SDHC: variants seen among roughly 807,000 people sequenced by gnomAD.
SDHC encodes the protein succinate dehydrogenase complex subunit C.
In SDHC, 11 loss-of-function variants were observed where a neutral mutation model predicts 22.6. That is an observed-to-expected ratio of 0.49 (90% CI 0.31 to 0.81). SDHC has a LOEUF of 0.81. Ranked by LOEUF, SDHC falls within the 30% of genes least tolerant of loss-of-function variation. The probability of loss-of-function intolerance (pLI) is 0.05; values close to 1 mark genes in which losing one functional copy is unlikely to be tolerated. For synonymous variants in SDHC, 80 were observed against 77.8 expected (o/e 1.03, Z -0.15); for missense variants, 160 against 212.0 (o/e 0.75, Z 1.52).
chr1:161,314,736 C>CT (rs966258321), intron 1 of SDHC: 28 of 439,264 alleles, frequency 6.4e-5, no homozygotes, highest in Non-Finnish European at 1.1e-4. Context: ...GAGCCGAGCT[C>CT]TGAGAAAATA....
rs185876210 is a variant in SDHC at position 161,340,979 on chromosome 1, G to T, written c.241+324G>T. Among the ~76,000 whole-genome samples the T allele has an allele frequency of 1.8e-4, 28 of 152,280 alleles. No homozygotes were observed. In the East Asian group the frequency reaches 5.4e-3, roughly 29 times the overall value. On this transcript the variant is annotated intron_variant, in intron 4 of 5. Transcript: ENST00000367975. ...CTGCCTCAGCCTCCTGAGTAGCTGG[G>T]ATTACAGGCATGTGCCACCACGCCT...
rs1571851728 is a variant in SDHC at position 161,328,496 on chromosome 1, A to G, written c.178A>G (p.Ser60Gly). 1 of 1,587,848 alleles carries G rather than the reference A, an allele frequency of 6.3e-7. No individual in the cohort carries two copies. Among genetic ancestry groups the G allele is most frequent in the Non-Finnish European group, 8.7e-7 (1 of 1,156,024 alleles). ...RPLSPHITIY[S>G]WSLPMAMSIC... The stretch of plus-strand genomic sequence containing the variant: ...TCTGTCTCCCCACATTACTATCTAC[A>G]GGTAAGGAAGGATTCTGGAGCCAGA... The change falls in exon 3 of 6, where the codon AGT becomes GGT. Residue 60 changes from serine to glycine, a missense_variant and splice_region_variant. Around this residue, in one of 2 missense-constraint regions of SDHC, gnomAD observed 86 missense variants for 83.4 expected, o/e 1.03. Coordinates refer to ENST00000367975, the MANE Select transcript of SDHC (RefSeq NM_003001.5).
Position 161,350,966 on chromosome 1 carries a change from G to C in SDHC, c.242-5711G>C, listed in dbSNP as rs371035493. On this transcript the variant is annotated intron_variant, in intron 4 of 5. Transcript: ENST00000367975. ...ATGAGATGAGTGGTGGTGACAGTAA[G>C]AGGGAAATGGGTAATCAGAAACAAA... 2.6e-5 allele frequency among the ~76,000 whole-genome samples: 4 copies of C among 152,280 alleles called. No individual in the cohort carries two copies. In the East Asian group the frequency reaches 5.8e-4, roughly 22 times the overall value.
At chr1:161,355,573 T>C (rs1253869516) in intron 4 of SDHC, among the ~76,000 whole-genome samples, 1 of 152,242 alleles carries the variant, frequency 6.6e-6, no homozygotes, top group Non-Finnish European at 1.5e-5. Flanking sequence ...AAGAGTTTTA[T>C]AGTTTTAGTT....
At chr1:161,360,583 T>G (rs59037769) in intron 5 of SDHC, among the ~76,000 whole-genome samples, 279 of 113,556 alleles carry the variant, frequency 2.5e-3, no homozygotes, top group Middle Eastern at 0.011. Flanking sequence ...AAAGTGGGGG[T>G]GGGTGGTGGG....
chr1:161,314,730 C>T (rs1670542550), intron 1 of SDHC: 1 of 450,822 alleles, frequency 2.2e-6, no homozygotes, highest in Non-Finnish European at 4.0e-6. Flanking sequence ...CACCCAGAGC[C>T]GAGCTCTGAG....
chr1:161,358,352 T>C (rs1190207205), intron 5 of SDHC, among the ~76,000 whole-genome samples: 10 of 151,826 alleles, frequency 6.6e-5, no homozygotes, highest in Non-Finnish European at 1.2e-4. Flanking sequence ...AGCCTGGTCT[T>C]GAACTCTTGG....
At chr1:161,323,410 G>A (rs1338976849) in intron 1 of SDHC, among the ~76,000 whole-genome samples, 2 of 152,062 alleles carry the variant, frequency 1.3e-5, no homozygotes, top group Non-Finnish European at 1.5e-5. Flanking sequence ...ACTCTATTTT[G>A]CATTTTTAGG....
intron 1 of SDHC, among the ~76,000 whole-genome samples, chr1:161,320,828 A>ATTTTTTTTTTTTTTTTT (rs71270444): frequency 7.8e-6 from 1 of 127,682 alleles, no homozygotes; most frequent in African/African-American, 3.1e-5. Flanking sequence ...TTCAGTCTTG[A>ATTTTTTTTTTTTTTTTT]TTTTTTTTTT....
chr1:161,345,455 T>C (rs1671858336), intron 4 of SDHC, among the ~76,000 whole-genome samples: 1 of 152,164 alleles, frequency 6.6e-6, no homozygotes, highest in South Asian at 2.1e-4. Context: ...GTTGTAATTA[T>C]TTTATTTTAT....
intron 1 of SDHC, 134 bp downstream of exon 1, chr1:161,314,559 C>T: frequency 7.4e-6 from 8 of 1,085,540 alleles, no homozygotes; most frequent in Non-Finnish European, 1.1e-5. Flanking sequence ...GCCAAGCGCT[C>T]GGGGATCCTA....
In SDHC at chr1:161,318,952, G is replaced by A. The variant is rs896696557; in HGVS notation, c.20+4527G>A. ...CCAGCTACTTGGGAGGCCGAGGCAG[G>A]AGAATCACTTGAACCTGGGAGGCGG... On this transcript the variant is annotated intron_variant, in intron 1 of 5. Coordinates refer to ENST00000367975, the MANE Select transcript of SDHC (RefSeq NM_003001.5). Among the ~76,000 whole-genome samples the A allele has an allele frequency of 5.9e-5, 9 of 152,338 alleles. No homozygotes were observed. In the South Asian group the frequency reaches 1.9e-3, roughly 32 times the overall value.
chr1:161,361,522 T>C (rs934439211), intron 5 of SDHC, among the ~76,000 whole-genome samples: 2 of 152,046 alleles, frequency 1.3e-5, no homozygotes, highest in African/African-American at 4.8e-5. Context: ...TATCTCTCTT[T>C]TGGAGATTCA....
At chr1:161,331,557 T>C (rs577950714) in intron 3 of SDHC, among the ~76,000 whole-genome samples, 1 of 149,426 alleles carries the variant, frequency 6.7e-6, no homozygotes, top group Admixed American at 6.7e-5. Context: ...GCTGGGATTA[T>C]GTGTGAACCA....
At chr1:161,328,210 C>G (rs939124295) in intron 2 of SDHC, among the ~76,000 whole-genome samples, 186 bp from the exon 3 acceptor site, 3 of 152,096 alleles carry the variant, frequency 2.0e-5, no homozygotes, top group Admixed American at 1.3e-4. Flanking sequence ...CCATGTTGGT[C>G]AGGCTGGTCT....
intron 2 of SDHC, among the ~76,000 whole-genome samples, chr1:161,326,151 G>A (rs1671037963): frequency 6.6e-6 from 1 of 151,576 alleles, no homozygotes; most frequent in African/African-American, 2.4e-5. Context: ...GCAGTGAGCC[G>A]AGATCGCACC....
intron 3 of SDHC, 130 bp from the exon 4 acceptor site, chr1:161,340,462 ACT>A (rs1003439368): frequency 1.3e-6 from 1 of 752,014 alleles, no homozygotes; most frequent in Non-Finnish European, 2.3e-6. Context: ...ACAGAGCGAG[ACT>A]CTGTCTCAAA....
At position 161,328,058 on chromosome 1, in the gene SDHC, C is replaced by T. The variant is rs550896817; in HGVS notation, c.78-338C>T. On this transcript the variant is annotated intron_variant, in intron 2 of 5. Transcript: ENST00000367975. ...ATTTCTTGTTGCCCAGGCTTGAGTG[C>T]GATGGCGCAATCTTGGCTCACCGCA... 2.6e-4 allele frequency among the ~76,000 whole-genome samples: 38 copies of T among 148,864 alleles called. 1 individual carries two copies. Among genetic ancestry groups the T allele is most frequent in the African/African-American group, 8.2e-4 (33 of 40,282 alleles).
intron 4 of SDHC, among the ~76,000 whole-genome samples, chr1:161,345,701 C>A (rs1214965880): frequency 6.6e-6 from 1 of 152,208 alleles, no homozygotes; most frequent in African/African-American, 2.4e-5. Context: ...TGTGATCCGC[C>A]CGCCTCGGCC....
Sources: allele counts gnomAD v4.1 joint callset (sites outside exome capture counted in the v4.1 genomes callset), GRCh38; gene constraint gnomAD v4.1.1; regional missense constraint gnomAD v4.1.1; transcripts MANE v1.5; gene names NCBI Gene and HGNC (gene_info 2026-07-23, HGNC 2026-07-21).